The following CACNA1S variants were observed in gnomAD, a reference collection of about 807,000 sequenced individuals.
CACNA1S encodes the protein calcium voltage-gated channel subunit alpha1 S, also known as voltage-dependent L-type calcium channel subunit alpha-1S.
A neutral mutation model predicts 207.4 loss-of-function variants in CACNA1S; 126 were observed. That is an observed-to-expected ratio of 0.61 (90% confidence interval 0.53 to 0.70). The LOEUF (loss-of-function observed/expected upper bound fraction) is 0.70. Among genes scored for constraint, CACNA1S ranks in the 30% least tolerant of loss-of-function variants. The pLI is 0.00. For synonymous variants in CACNA1S, 960 were observed against 932.7 expected (o/e 1.03, Z -0.53); for missense variants, 2,349 against 2,422.8 (o/e 0.97, Z 0.64).
At chr1:201,042,466 A>G (rs750354873) in intron 40 of CACNA1S, among the ~76,000 whole-genome samples, 1 of 152,200 alleles carries the variant, frequency 6.6e-6, no homozygotes, top group Non-Finnish European at 1.5e-5. Context: ...CAATCATATC[A>G]CATAACATAT....
In CACNA1S at chr1:201,049,021, T is replaced by A; in HGVS notation, c.4320A>T (p.Pro1440=). The A allele has an allele frequency of 6.2e-7, 1 of 1,613,776 alleles. No homozygotes were observed. Among genetic ancestry groups the A allele is most frequent in the Non-Finnish European group, 8.5e-7 (1 of 1,179,828 alleles). Residue 1440 remains proline, a synonymous_variant, in exon 35 of 44, where the codon CCA becomes CCT. Transcript: ENST00000362061. The part of the protein sequence containing the change: ...QPPLGFGKFC[P]HRVACKRLVG... ...TGGTTACCTTACAAGCTACCCGATG[T>A]GGGCAGAACTTCCCAAAGCCCAGAG...
chr1:201,058,483 A>G lies in CACNA1S; in HGVS notation c.3534T>C (p.Phe1178=), dbSNP rs202108840. The part of the protein sequence containing the change: ...KLMAFKARGY[F]GDPWNVFDFL... Reference sequence around the variant, plus strand: ...AGTCAAACACATTCCAGGGGTCTCCAAAGTAGCCCTGGGAAGGAAAAGGAT... The same window carrying G: ...AGTCAAACACATTCCAGGGGTCTCCGAAGTAGCCCTGGGAAGGAAAAGGAT... Residue 1178 remains phenylalanine (F), a synonymous_variant, in exon 28 of 44, where the codon TTT becomes TTC. Transcript: ENST00000362061. The G allele has an allele frequency of 6.2e-7, 1 of 1,613,624 alleles. No individual in the cohort carries two copies. The highest frequency in any genetic ancestry group is 2.2e-5 in the East Asian group (1 of 44,882).
intron 2 of CACNA1S, among the ~76,000 whole-genome samples, chr1:201,096,432 G>A (rs1251229454): frequency 6.6e-6 from 1 of 152,160 alleles, no homozygotes; most frequent in African/African-American, 2.4e-5. Context: ...AGTCTTCCAT[G>A]GAAAAATGAG....
intron 2 of CACNA1S, among the ~76,000 whole-genome samples, chr1:201,095,796 G>C (rs186460864): frequency 1.3e-4 from 20 of 152,196 alleles, no homozygotes; most frequent in Non-Finnish European, 5.9e-5. Context: ...CTGCTCCAAG[G>C]AGGAGAGCTG....
At chr1:201,084,827 G>A (rs947011083) in intron 9 of CACNA1S, 123 bp downstream of exon 9, 1 of 727,432 alleles carries the variant, frequency 1.4e-6, no homozygotes, top group East Asian at 2.5e-5. Flanking sequence ...TCTTAAAAAG[G>A]CTGCCTTTCT....
At chr1:201,067,932 C>T (rs369640130) in intron 19 of CACNA1S, among the ~76,000 whole-genome samples, 5 of 152,300 alleles carry the variant, frequency 3.3e-5, no homozygotes, top group South Asian at 4.2e-4. Context: ...AGCTTCTCCT[C>T]TCTTAGTTTG....
intron 27 of CACNA1S, among the ~76,000 whole-genome samples, chr1:201,058,858 C>A (rs907436482): frequency 6.6e-6 from 1 of 152,182 alleles, no homozygotes; most frequent in South Asian, 2.1e-4. Flanking sequence ...TGCTGGGAAC[C>A]ATGGCAATGG....
rs1210890814 is a variant in CACNA1S, at chr1:201,059,351, C to T, written c.3415-52G>A. On this transcript the variant is annotated intron_variant, in intron 26 of 43. Coordinates refer to ENST00000362061, the MANE Select transcript of CACNA1S (RefSeq NM_000069.3). ...GTCAGGGGGGCCGGGTTTGCCCACC[C>T]TGTAGATTGCATTCCCAGAGCCCCT... is the stretch of plus-strand genomic sequence containing the variant. 3 of 1,138,078 alleles carry T rather than the reference C, an allele frequency of 2.6e-6. No homozygotes were observed. The South Asian group carries it at 3.8e-5, about 15-fold the overall frequency. 70.5% of individuals were successfully genotyped at this position (1,138,078 alleles called of 1,614,324 possible).
chr1:201,058,586 C>G (rs138337661), intron 27 of CACNA1S, 95 bp from the exon 28 acceptor site: 1 of 1,008,596 alleles, frequency 9.9e-7, no homozygotes, highest in Admixed American at 1.8e-5. Flanking sequence ...CGAGCTAATG[C>G]GGAGCTGCGG....
chr1:201,061,052 C>T (rs1490060409), intron 25 of CACNA1S, among the ~76,000 whole-genome samples: 2 of 152,244 alleles, frequency 1.3e-5, no homozygotes, highest in Non-Finnish European at 2.9e-5. Context: ...CTTCCTTTCT[C>T]TGGGCATCAT....
intron 36 of CACNA1S, 113 bp from the exon 37 acceptor site, chr1:201,047,739 C>T (rs1163666343): frequency 1.3e-6 from 1 of 776,522 alleles, no homozygotes; most frequent in Non-Finnish European, 2.3e-6. Flanking sequence ...GAAACATTGG[C>T]TGAGTTTTGT....
chr1:201,097,184 C>T (rs541476299), intron 2 of CACNA1S, among the ~76,000 whole-genome samples: 1 of 152,302 alleles, frequency 6.6e-6, no homozygotes, highest in Admixed American at 6.5e-5. Context: ...TTGCTCTCCC[C>T]TGCCTGCAGT....
intron 1 of CACNA1S, 58 bp downstream of exon 1, chr1:201,112,130 C>T (rs1402401029): frequency 6.4e-7 from 1 of 1,559,964 alleles, no homozygotes; most frequent in Non-Finnish European, 8.8e-7. Flanking sequence ...CTGTGATCAC[C>T]CCGAATCCCT....
intron 24 of CACNA1S, 29 bp from the exon 25 acceptor site, chr1:201,061,497 A>T (rs772574268): frequency 1.0e-4 from 168 of 1,603,696 alleles, no homozygotes; most frequent in Admixed American, 2.8e-4. Flanking sequence ...GAGAGGACAG[A>T]CTGGGTGGGG....
chr1:201,061,857 C>T, intron 24 of CACNA1S, 87 bp downstream of exon 24: 2 of 1,453,950 alleles, frequency 1.4e-6, no homozygotes. Flanking sequence ...GTAGCAGTAG[C>T]ACCGTGGGGG....
chr1:201,055,458 C>T (rs76439256), intron 28 of CACNA1S, among the ~76,000 whole-genome samples: 3,382 of 152,248 alleles, frequency 0.022, 143 homozygotes, highest in East Asian at 0.17. Flanking sequence ...TTAAATGCAC[C>T]CCAGGTGATT....
intron 2 of CACNA1S, among the ~76,000 whole-genome samples, chr1:201,099,106 C>T (rs1325241243): frequency 1.3e-5 from 2 of 152,228 alleles, no homozygotes; most frequent in Non-Finnish European, 2.9e-5. Context: ...TCAGCCAGTC[C>T]TGAATACTTC....
Position 201,089,351 on chromosome 1 carries a change from G to T in CACNA1S, c.807C>A (p.Asn269Lys). The change falls in exon 6 of 44, where the codon AAC becomes AAA. Residue 269 changes from asparagine (N) to lysine (K), a missense_variant. Transcript: ENST00000362061. ...AGTTGTCGAAGTGGGTGATGCCATGGTTGGGCCCTGGCCAGCCGCCCCGGC... is the reference window on the plus strand; with the variant it reads ...AGTTGTCGAAGTGGGTGATGCCATGTTTGGGCCCTGGCCAGCCGCCCCGGC... ...SECRGGWPGP[N>K]HGITHFDNFG... 4 of 1,614,258 alleles carry T rather than the reference G, an allele frequency of 2.5e-6. No homozygotes were observed. Among genetic ancestry groups the T allele is most frequent in the Non-Finnish European group, 3.4e-6 (4 of 1,180,044 alleles).
chr1:201,043,085 GCTTC>G (rs1660332018), intron 40 of CACNA1S, 192 bp downstream of exon 40: 8 of 633,794 alleles, frequency 1.3e-5, no homozygotes, highest in Non-Finnish European at 2.0e-5. Flanking sequence ...ATGATGTGAG[GCTTC>G]CCCCTGCTGG....
Sources: allele counts gnomAD v4.1 joint callset (sites outside exome capture counted in the v4.1 genomes callset), GRCh38; gene constraint gnomAD v4.1.1; transcripts MANE v1.5; gene names NCBI Gene and HGNC (gene_info 2026-07-23, HGNC 2026-07-21).